The following IMPG1 variants were observed in gnomAD, a reference collection of about 807,000 sequenced individuals.
The protein encoded by IMPG1 is interphotoreceptor matrix proteoglycan of 150 kDa.
Under a neutral mutation model 92.0 loss-of-function variants are expected in IMPG1, and 85 were observed. That is an observed-to-expected ratio of 0.92 (90% CI 0.78 to 1.11). The LOEUF is 1.11. IMPG1 is among the 50% of genes least tolerant of loss of function. The pLI, the probability that IMPG1 is intolerant of heterozygous loss-of-function variation, is 0.00. For missense variants in IMPG1, 1,022 were observed against 956.0 expected (o/e 1.07, Z -0.91); for synonymous variants, 367 against 334.1 (o/e 1.10, Z -1.08).
chr6:75,992,157 G>A (rs551743651), intron 12 of IMPG1, among the ~76,000 whole-genome samples: 2 of 152,286 alleles, frequency 1.3e-5, no homozygotes, highest in East Asian at 1.9e-4. Flanking sequence ...GATGGCCTTC[G>A]GACCATCGAC....
At chr6:75,982,569 C>CTATATAGATA in intron 12 of IMPG1, among the ~76,000 whole-genome samples, 1 of 148,114 alleles carries the variant, frequency 6.8e-6, no homozygotes. Flanking sequence ...ATCTATATAT[C>CTATATAGATA]TATATAGATA....
At chr6:76,062,786 A>T (rs1188914819) in intron 1 of IMPG1, among the ~76,000 whole-genome samples, 4 of 152,186 alleles carry the variant, frequency 2.6e-5, no homozygotes, top group Admixed American at 1.3e-4. Flanking sequence ...GAAGATTAAC[A>T]TATATTCACA....
At chr6:75,936,561 A>T (rs972307202) in intron 14 of IMPG1, among the ~76,000 whole-genome samples, 2 of 152,160 alleles carry the variant, frequency 1.3e-5, no homozygotes, top group African/African-American at 4.8e-5. Flanking sequence ...AAGTAATGTG[A>T]TAGACTTTAG....
intron 12 of IMPG1, among the ~76,000 whole-genome samples, chr6:75,983,520 C>A (rs1221779130): frequency 6.6e-6 from 1 of 152,144 alleles, no homozygotes; most frequent in East Asian, 1.9e-4. Context: ...ACTGGCTATC[C>A]ATCTGCAGAA....
intron 15 of IMPG1, 44 bp from the exon 16 acceptor site, chr6:75,923,750 A>C (rs758156146): frequency 6.5e-6 from 7 of 1,083,932 alleles, no homozygotes; most frequent in Non-Finnish European, 9.8e-6. Context: ...TCTTGGGCTT[A>C]TCAACATTAA....
At chr6:76,031,241 A>T (rs1272137002) in intron 4 of IMPG1, among the ~76,000 whole-genome samples, 1 of 152,204 alleles carries the variant, frequency 6.6e-6, no homozygotes, top group Non-Finnish European at 1.5e-5. Context: ...CTGTGTTAGT[A>T]TAATATAGTA....
At chr6:75,946,060 A>G (rs1018498817) in intron 14 of IMPG1, among the ~76,000 whole-genome samples, 1 of 152,130 alleles carries the variant, frequency 6.6e-6, no homozygotes, top group Non-Finnish European at 1.5e-5. Context: ...TAGCCTTCTG[A>G]TCCTAACTGG....
At chr6:76,010,154 T>G (rs1299135338) in intron 8 of IMPG1, among the ~76,000 whole-genome samples, 1 of 152,224 alleles carries the variant, frequency 6.6e-6, no homozygotes, top group African/African-American at 2.4e-5. Flanking sequence ...AAATAAACCA[T>G]GAGAGCTCCC....
chr6:76,011,054 A>G (rs574227194), intron 8 of IMPG1, 112 bp downstream of exon 8: 1 of 618,496 alleles, frequency 1.6e-6, no homozygotes, highest in South Asian at 2.1e-5. Flanking sequence ...AGGATTTGGC[A>G]GAGCTAAACA....
In IMPG1 at chr6:76,072,587, A is replaced by T. The variant is rs938404471; in HGVS notation, c.-99T>A. 1 of 681,584 alleles carries T rather than the reference A, an allele frequency of 1.5e-6. No individual in the cohort carries two copies. Among genetic ancestry groups the T allele is most frequent in the Non-Finnish European group, 2.5e-6 (1 of 403,494 alleles). 42.2% of individuals were successfully genotyped at this position (681,584 alleles called of 1,614,324 possible). On this transcript the variant is annotated 5_prime_UTR_variant, in exon 1 of 17. Transcript: ENST00000369950. ...ATGTGAAAAATAATTATATATTGAT[A>T]CCAGATGATTGAGGATAACCTTCTT...
At chr6:75,950,501 T>C in intron 13 of IMPG1, 61 bp downstream of exon 13, 2 of 1,387,148 alleles carry the variant, frequency 1.4e-6, no homozygotes, top group Admixed American at 5.0e-5. Flanking sequence ...AATTATATTA[T>C]AAAATAACAA....
At chr6:75,982,698 A>AT (rs1449472923) in intron 12 of IMPG1, among the ~76,000 whole-genome samples, 3 of 151,678 alleles carry the variant, frequency 2.0e-5, no homozygotes, top group Non-Finnish European at 2.9e-5. Flanking sequence ...AATAATGACT[A>AT]TTTTTCTGAG....
intron 5 of IMPG1, chr6:76,024,917 A>G (rs1363771371): frequency 2.0e-6 from 1 of 502,774 alleles, no homozygotes; most frequent in East Asian, 5.4e-5. Flanking sequence ...TGTGTATATA[A>G]TAGAAGAAAG....
At chr6:75,996,053 C>G (rs911786434) in intron 12 of IMPG1, among the ~76,000 whole-genome samples, 2 of 152,180 alleles carry the variant, frequency 1.3e-5, no homozygotes, top group African/African-American at 2.4e-5. Context: ...CATTGAAGTC[C>G]TTTTTACTCT....
At chr6:75,970,802 G>A (rs780102524) in intron 12 of IMPG1, among the ~76,000 whole-genome samples, 7 of 152,184 alleles carry the variant, frequency 4.6e-5, no homozygotes, top group African/African-American at 1.2e-4. Context: ...TATTGAAAAG[G>A]TTGTGTTTTT....
chr6:75,948,552 A>T (rs1359923547), intron 13 of IMPG1, among the ~76,000 whole-genome samples: 1 of 152,112 alleles, frequency 6.6e-6, no homozygotes, highest in Non-Finnish European at 1.5e-5. Flanking sequence ...GTAAAATGAA[A>T]TTTTAAACAA....
chr6:75,981,861 A>C (rs1443235549), intron 12 of IMPG1, among the ~76,000 whole-genome samples: 3 of 152,234 alleles, frequency 2.0e-5, no homozygotes, highest in Non-Finnish European at 4.4e-5. Flanking sequence ...TTTGGGGGAC[A>C]CTTTAGTAGT....
Position 76,031,986 on chromosome 6 carries a change from T to A in IMPG1, c.497+2329A>T, listed in dbSNP as rs78930559. 1.9e-3 allele frequency among the ~76,000 whole-genome samples: 294 copies of A among 152,350 alleles called. 3 individuals are homozygous for A. The highest frequency in any genetic ancestry group is 6.9e-3 in the African/African-American group (286 of 41,576). On this transcript the variant is annotated intron_variant, in intron 4 of 16. Transcript: ENST00000369950. Reference sequence around the variant, plus strand: ...CCACTGGCTTTTATTTCAAAGTCATTTGAAACTGGCAGACTTACGGGTTAG... The same window carrying A: ...CCACTGGCTTTTATTTCAAAGTCATATGAAACTGGCAGACTTACGGGTTAG...
At chr6:76,052,460 C>T (rs963139933) in intron 1 of IMPG1, among the ~76,000 whole-genome samples, 4 of 152,156 alleles carry the variant, frequency 2.6e-5, no homozygotes, top group African/African-American at 9.7e-5. Context: ...GAATGACGTA[C>T]ATTAACATTT....
Sources: gnomAD v4.1 joint callset for allele counts (sites outside exome capture counted in the v4.1 genomes callset) on GRCh38, gnomAD v4.1.1 for gene constraint, MANE v1.5 for transcripts, NCBI Gene and HGNC (gene_info 2026-07-23, HGNC 2026-07-21) for gene names.